The following DNAH14 variants were observed in gnomAD, a reference collection of about 807,000 sequenced individuals.
DNAH14 encodes the protein axonemal beta dynein heavy chain 14.
Under a neutral mutation model 520.9 loss-of-function variants are expected in DNAH14, and 478 were observed. The ratio of observed to expected loss-of-function variants is 0.92; its 90% CI spans 0.85 to 0.99. The LOEUF (loss-of-function observed/expected upper bound fraction) is 0.99, where lower values mean the gene tolerates loss of function less well. DNAH14 is among the 50% of genes least tolerant of loss of function. DNAH14 has a pLI of 0.00. For synonymous variants in DNAH14, 1,581 were observed against 1,757.2 expected (o/e 0.90, Z 2.51); for missense variants, 4,831 against 5,234.5 (o/e 0.92, Z 2.38).
chr1:225,350,126 C>T (rs760964147), intron 71 of DNAH14, among the ~76,000 whole-genome samples: 27 of 152,046 alleles, frequency 1.8e-4, no homozygotes, highest in Non-Finnish European at 2.9e-4. Flanking sequence ...TAGAAATCAA[C>T]AGAATGAAAA....
At chr1:225,236,666 T>C (rs2091609973) in intron 42 of DNAH14, among the ~76,000 whole-genome samples, 1 of 152,176 alleles carries the variant, frequency 6.6e-6, no homozygotes, top group African/African-American at 2.4e-5. Context: ...ATATTTAGGA[T>C]AGTTAGCTCT....
chr1:225,354,392 A>C (rs934719785), intron 73 of DNAH14: 27 of 629,032 alleles, frequency 4.3e-5, no homozygotes, highest in Non-Finnish European at 6.6e-5. Flanking sequence ...CAGCACCTCT[A>C]TTTCTCAATT....
intron 37 of DNAH14, among the ~76,000 whole-genome samples, chr1:225,190,778 G>T (rs1015602370): frequency 5.3e-5 from 8 of 152,000 alleles, no homozygotes; most frequent in Non-Finnish European, 1.2e-4. Context: ...AGGTCTTGAA[G>T]AAATCAAAAC....
At chr1:225,363,086 T>C (rs1268522607) in intron 75 of DNAH14, among the ~76,000 whole-genome samples, 1 of 152,146 alleles carries the variant, frequency 6.6e-6, no homozygotes, top group African/African-American at 2.4e-5. Context: ...TGCAGAGAAG[T>C]TGCAAGAACA....
chr1:225,105,357 A>G (rs1372464793), intron 23 of DNAH14, among the ~76,000 whole-genome samples: 1 of 152,132 alleles, frequency 6.6e-6, no homozygotes, highest in Non-Finnish European at 1.5e-5. Context: ...AAGAATGTAT[A>G]TTCTGTTGAT....
At chr1:225,202,019 G>A (rs1241086307) in intron 38 of DNAH14, among the ~76,000 whole-genome samples, 3 of 151,998 alleles carry the variant, frequency 2.0e-5, no homozygotes, top group African/African-American at 7.3e-5. Flanking sequence ...GGGATTACAG[G>A]TGCCTGCCAT....
chr1:225,038,888 T>A, intron 12 of DNAH14, 65 bp downstream of exon 12: 1 of 1,340,552 alleles, frequency 7.5e-7, no homozygotes, highest in Middle Eastern at 2.1e-4. Context: ...ATTTTAAAAT[T>A]TAAAATGTGA....
At chr1:225,310,435 C>T (rs1349898965) in intron 60 of DNAH14, among the ~76,000 whole-genome samples, 2 of 152,064 alleles carry the variant, frequency 1.3e-5, no homozygotes, top group Admixed American at 6.6e-5. Flanking sequence ...TCACACACTC[C>T]TATAATACTC....
At chr1:225,287,777 G>A (rs1316261099) in intron 54 of DNAH14, among the ~76,000 whole-genome samples, 1 of 152,084 alleles carries the variant, frequency 6.6e-6, no homozygotes, top group Non-Finnish European at 1.5e-5. Context: ...TATACAATAT[G>A]AGCCTGGAGA....
At chr1:225,316,732 T>C (rs1336653545) in intron 60 of DNAH14, among the ~76,000 whole-genome samples, 1 of 152,116 alleles carries the variant, frequency 6.6e-6, no homozygotes, top group African/African-American at 2.4e-5. Flanking sequence ...CAGTTGGAAA[T>C]GCAGAAATCA....
At chr1:225,109,053 C>T (rs1489218691) in intron 23 of DNAH14, among the ~76,000 whole-genome samples, 1 of 152,090 alleles carries the variant, frequency 6.6e-6, no homozygotes, top group Admixed American at 6.6e-5. Flanking sequence ...CTGGATTTCT[C>T]ATTCTGTTCC....
intron 17 of DNAH14, among the ~76,000 whole-genome samples, chr1:225,074,920 C>A (rs1286323202): frequency 1.3e-5 from 2 of 152,214 alleles, no homozygotes; most frequent in Non-Finnish European, 2.9e-5. Context: ...GTAGCACCCC[C>A]AGACTATCAC....
At chr1:225,386,325 G>A (rs1441707524) in intron 81 of DNAH14, among the ~76,000 whole-genome samples, 6 of 152,176 alleles carry the variant, frequency 3.9e-5, no homozygotes, top group Admixed American at 2.6e-4. Flanking sequence ...CATGGGCAAG[G>A]ACTTCATGAC....
At position 225,248,902 on chromosome 1, in the gene DNAH14, C is replaced by A. The variant is rs541847176; in HGVS notation, c.6749-3399C>A. 7.2e-5 allele frequency among the ~76,000 whole-genome samples: 11 copies of A among 152,254 alleles called. No homozygotes were observed. In the South Asian group the frequency reaches 1.7e-3, roughly 23 times the overall value. On this transcript the variant is annotated intron_variant, in intron 43 of 85. Transcript: ENST00000682510. ...CATGGTCCCTCTATTAGAGTGGGGG[C>A]TTATAGAGGAAAGGTGATAAGGTCC...
chr1:225,150,301 T>G (rs956168471), intron 31 of DNAH14, among the ~76,000 whole-genome samples: 4 of 152,162 alleles, frequency 2.6e-5, no homozygotes, highest in African/African-American at 9.7e-5. Flanking sequence ...TTTGCCAGTA[T>G]TTTGTTGAGG....
At chr1:225,357,584 C>T (rs995832092) in intron 73 of DNAH14, among the ~76,000 whole-genome samples, 2 of 133,562 alleles carry the variant, frequency 1.5e-5, no homozygotes, top group African/African-American at 5.7e-5. Flanking sequence ...TGTGCTGCCT[C>T]TTTTCATTTT....
chr1:225,001,261 TG>T (rs2063753693), intron 8 of DNAH14, among the ~76,000 whole-genome samples: 1 of 152,142 alleles, frequency 6.6e-6, no homozygotes, highest in South Asian at 2.1e-4. Context: ...TTCAATGTTT[TG>T]TTATGTTTGC....
chr1:225,109,610 T>A (rs2076336004), intron 23 of DNAH14, among the ~76,000 whole-genome samples: 1 of 152,072 alleles, frequency 6.6e-6, no homozygotes, highest in African/African-American at 2.4e-5. Flanking sequence ...TTTGGTGGAG[T>A]CTTTAGGTTT....
At chr1:225,184,059 C>T (rs2084375608) in intron 36 of DNAH14, among the ~76,000 whole-genome samples, 1 of 152,026 alleles carries the variant, frequency 6.6e-6, no homozygotes, top group Non-Finnish European at 1.5e-5. Flanking sequence ...GGGATTACTC[C>T]CAAACTCATT....
Sources: allele counts gnomAD v4.1 joint callset (sites outside exome capture counted in the v4.1 genomes callset), GRCh38; gene constraint gnomAD v4.1.1; transcripts MANE v1.5; gene names NCBI Gene and HGNC (gene_info 2026-07-23, HGNC 2026-07-21).